Variants in MTHFD1L observed in about 807,000 individuals in gnomAD.
MTHFD1L encodes the protein monofunctional C1-tetrahydrofolate synthase, mitochondrial.
In MTHFD1L, 81 loss-of-function variants were observed where a neutral mutation model predicts 119.5. That is an observed-to-expected ratio of 0.68 (90% CI 0.57 to 0.82). The LOEUF is 0.82. MTHFD1L is among the 40% of genes least tolerant of loss of function. The pLI is 0.00. For missense variants in MTHFD1L, 1,125 were observed against 1,253.4 expected (o/e 0.90, Z 1.55); for synonymous variants, 430 against 475.2 (o/e 0.90, Z 1.24).
intron 24 of MTHFD1L, among the ~76,000 whole-genome samples, chr6:151,033,942 G>T (rs981134767): frequency 6.6e-6 from 1 of 152,078 alleles, no homozygotes; most frequent in South Asian, 2.1e-4. Flanking sequence ...TTGGGAGGCC[G>T]AGGTGGACAG....
intron 17 of MTHFD1L, among the ~76,000 whole-genome samples, chr6:150,956,904 G>C (rs1289869340): frequency 6.8e-6 from 1 of 146,104 alleles, no homozygotes; most frequent in Non-Finnish European, 1.5e-5. Flanking sequence ...TCTCCTCCCA[G>C]TCCTGTAACT....
rs915044886 is a variant in MTHFD1L, at chr6:150,926,408, C to A, written c.1256+113C>A. 9.8e-6 allele frequency: 10 copies of A among 1,023,618 alleles called. No individual in the cohort carries two copies. The Admixed American group carries it at 2.5e-4, about 26-fold the overall frequency. The allele number at this position is 1,023,618 out of a possible 1,614,324, so 63.4% of individuals were successfully genotyped here. On this transcript the variant is annotated intron_variant, in intron 11 of 27. Transcript: ENST00000367321. The surrounding 1 kb of genome is among the most constrained non-coding windows in gnomAD (Gnocchi z 4.3). ...CATCCTATTCTCACATTTGACATTT[C>A]GTCCATTTCATTTGGCATTTCTTTA...
intron 26 of MTHFD1L, among the ~76,000 whole-genome samples, chr6:151,084,011 C>G (rs1301425641): frequency 1.3e-5 from 2 of 152,136 alleles, no homozygotes; most frequent in African/African-American, 4.8e-5. Flanking sequence ...ATGGTCAGAA[C>G]TTAACAAACA....
chr6:150,890,429 C>G (rs1783055248), intron 7 of MTHFD1L, among the ~76,000 whole-genome samples: 1 of 152,086 alleles, frequency 6.6e-6, no homozygotes, highest in Non-Finnish European at 1.5e-5. Context: ...AGGATTTCGC[C>G]TTCACTGATG....
chr6:150,952,424 A>G (rs1377258415), intron 16 of MTHFD1L, among the ~76,000 whole-genome samples: 2 of 152,234 alleles, frequency 1.3e-5, no homozygotes, highest in Non-Finnish European at 2.9e-5. Flanking sequence ...AGAGCAGGAC[A>G]GTCAGGGTGC....
At chr6:150,903,168 T>G (rs899461923) in intron 7 of MTHFD1L, among the ~76,000 whole-genome samples, 4 of 151,100 alleles carry the variant, frequency 2.6e-5, no homozygotes, top group Admixed American at 6.6e-5. Context: ...ATAGGTGGCT[T>G]AAGGGACTAG....
intron 26 of MTHFD1L, among the ~76,000 whole-genome samples, chr6:151,047,128 A>G (rs1788213898): frequency 6.6e-6 from 1 of 152,200 alleles, no homozygotes; most frequent in Admixed American, 6.5e-5. Context: ...CACTTTAAGC[A>G]AAAAGACATG....
chr6:150,895,156 A>G (rs1435609726), intron 7 of MTHFD1L, among the ~76,000 whole-genome samples: 1 of 152,196 alleles, frequency 6.6e-6, no homozygotes, highest in Non-Finnish European at 1.5e-5. Context: ...TGGGCCCTGC[A>G]GGGGAATGAC....
chr6:150,868,983 C>A (rs1003444662), intron 1 of MTHFD1L, among the ~76,000 whole-genome samples: 8 of 152,148 alleles, frequency 5.3e-5, no homozygotes, highest in African/African-American at 1.9e-4. Flanking sequence ...ATCACTTGAG[C>A]CCAGGAGGTC....
At chr6:151,069,443 A>G (rs1791716588) in intron 26 of MTHFD1L, among the ~76,000 whole-genome samples, 1 of 152,066 alleles carries the variant, frequency 6.6e-6, no homozygotes, top group Non-Finnish European at 1.5e-5. Flanking sequence ...TACAGAATCC[A>G]TACAGTGGAT....
intron 24 of MTHFD1L, among the ~76,000 whole-genome samples, 191 bp downstream of exon 24, chr6:151,015,884 C>T (rs982043256): frequency 2.6e-5 from 4 of 152,066 alleles, no homozygotes; most frequent in Non-Finnish European, 5.9e-5. Context: ...GTCAGGAGTT[C>T]GAGACCAGCC....
chr6:151,079,499 C>T (rs1007662326), intron 26 of MTHFD1L, among the ~76,000 whole-genome samples: 1 of 151,840 alleles, frequency 6.6e-6, no homozygotes, highest in Non-Finnish European at 1.5e-5. Context: ...CTCTTGTTGC[C>T]CAGGCTGGAG....
intron 24 of MTHFD1L, among the ~76,000 whole-genome samples, chr6:151,025,553 AT>A (rs1215581713): frequency 1.3e-5 from 2 of 152,248 alleles, no homozygotes; most frequent in African/African-American, 4.8e-5. Context: ...AATGGAAATA[AT>A]TACTGTGTAT....
At chr6:150,884,211 G>C (rs79957839) in intron 5 of MTHFD1L, among the ~76,000 whole-genome samples, 1 of 148,602 alleles carries the variant, frequency 6.7e-6, no homozygotes, top group Admixed American at 6.8e-5. Flanking sequence ...ACACGATCTC[G>C]GCTCACTGCA....
chr6:150,927,508 G>C (rs1223674661), intron 11 of MTHFD1L, among the ~76,000 whole-genome samples: 1 of 149,334 alleles, frequency 6.7e-6, no homozygotes, highest in Non-Finnish European at 1.5e-5. Context: ...CAAGACTGGG[G>C]TGCAGTGGTG....
Position 151,009,782 on chromosome 6 carries a change from G to T in MTHFD1L, c.2126-37G>T, listed in dbSNP as rs200292075. On this transcript the variant is annotated intron_variant, in intron 20 of 27. Coordinates refer to ENST00000367321, the MANE Select transcript of MTHFD1L (RefSeq NM_015440.5). ...TTGCCAAAACCTACCTTTGTTTTTA[G>T]AAGATAATAGCACATATTCCACTTG... 1.1e-5 allele frequency: 17 copies of T among 1,609,696 alleles called. No individual in the cohort carries two copies. The East Asian group carries it at 3.8e-4, about 36-fold the overall frequency.
intron 26 of MTHFD1L, among the ~76,000 whole-genome samples, chr6:151,051,114 G>A (rs143887064): frequency 7.9e-5 from 12 of 152,206 alleles, no homozygotes; most frequent in East Asian, 7.7e-4. Context: ...GGCCCACCCC[G>A]TCACTCCATT....
chr6:150,939,620 C>T (rs1371260362), intron 13 of MTHFD1L, among the ~76,000 whole-genome samples: 2 of 151,852 alleles, frequency 1.3e-5, no homozygotes, highest in Non-Finnish European at 2.9e-5. Flanking sequence ...GTGGCTGCTC[C>T]TGCTTCCCTG....
chr6:150,886,593 A>G (rs1782347804), intron 6 of MTHFD1L, among the ~76,000 whole-genome samples: 1 of 152,116 alleles, frequency 6.6e-6, no homozygotes, highest in Non-Finnish European at 1.5e-5. Flanking sequence ...TTTTTATGTC[A>G]GTGAAATAGA....
Sources: allele counts gnomAD v4.1 joint callset (sites outside exome capture counted in the v4.1 genomes callset), GRCh38; gene constraint gnomAD v4.1.1; non-coding constraint Gnocchi (gnomAD v3.1); transcripts MANE v1.5; gene names NCBI Gene and HGNC (gene_info 2026-07-23, HGNC 2026-07-21).